GC: variants seen among roughly 807,000 people sequenced by gnomAD.
The protein encoded by GC is vitamin D-binding protein.
In GC, 43 loss-of-function variants were observed where a neutral mutation model predicts 56.7. That is an observed-to-expected ratio of 0.76 (90% CI 0.59 to 0.98). The LOEUF (loss-of-function observed/expected upper bound fraction) is 0.98. Among genes scored for constraint, GC ranks in the 50% least tolerant of loss-of-function variants. The probability of loss-of-function intolerance (pLI) is 0.00; values close to 1 mark genes in which losing one functional copy is unlikely to be tolerated. For synonymous variants in GC, 216 were observed against 202.7 expected, an observed-to-expected ratio of 1.07 and a Z score of -0.56; for missense variants, 529 against 545.9, an observed-to-expected ratio of 0.97 and a Z score of 0.31.
chr4:71,763,987 C>A, intron 4 of GC, 51 bp from the exon 5 acceptor site: 2 of 1,454,422 alleles, frequency 1.4e-6, no homozygotes, highest in East Asian at 2.3e-5. Context: ...TAAACAAAAT[C>A]TACTTTTTTA....
intron 1 of GC, among the ~76,000 whole-genome samples, chr4:71,800,767 T>G (rs1743228017): frequency 1.3e-5 from 2 of 152,218 alleles, no homozygotes; most frequent in Admixed American, 1.3e-4. Flanking sequence ...TTTTAATGAT[T>G]GCCATCCGAC....
chr4:71,752,930 C>T lies in GC; in HGVS notation c.1263-280G>A, dbSNP rs186521856. Among the ~76,000 whole-genome samples the T allele has an allele frequency of 1.8e-3, 281 of 152,164 alleles. 2 individuals carry two copies. The highest frequency in any genetic ancestry group is 6.3e-3 in the African/African-American group (260 of 41,520). On this transcript the variant is annotated intron_variant, in intron 10 of 12. Transcript: ENST00000273951. ...TCATTATTTCAAAATGGAAGAGTAC[C>T]TCTTCTATTTTATCCTAACCTTTCA...
intron 3 of GC, among the ~76,000 whole-genome samples, chr4:71,767,028 T>C (rs1291026745): frequency 6.6e-6 from 1 of 152,198 alleles, no homozygotes; most frequent in East Asian, 1.9e-4. Context: ...TGCTCTGTCA[T>C]GTTGATGATT....
chr4:71,763,021 C>G (rs1742035333), intron 6 of GC, among the ~76,000 whole-genome samples: 1 of 152,152 alleles, frequency 6.6e-6, no homozygotes, highest in South Asian at 2.1e-4. Context: ...ATTCAGATGT[C>G]TCATTCCAAG....
chr4:71,772,651 G>A (rs1232961138), intron 1 of GC, among the ~76,000 whole-genome samples: 1 of 152,126 alleles, frequency 6.6e-6, no homozygotes, highest in African/African-American at 2.4e-5. Flanking sequence ...AGAGAAAAGT[G>A]GGAAACTAGA....
chr4:71,777,963 A>G (rs1474868879), intron 1 of GC, among the ~76,000 whole-genome samples: 1 of 151,686 alleles, frequency 6.6e-6, no homozygotes, highest in Non-Finnish European at 1.5e-5. Context: ...GCAGCAAACC[A>G]CCATGGAACA....
rs1724916636 is a variant in GC at position 71,756,889 on chromosome 4, CAG to C, written c.855_856del (p.Cys286Ter). 1 of 1,613,018 alleles carries C rather than the reference CAG, an allele frequency of 6.2e-7. No individual in the cohort carries two copies. The highest frequency in any genetic ancestry group is 8.5e-7 in the Non-Finnish European group (1 of 1,179,052). ...AGAATTCTTTGTGGATAAATTGTCA[CAG>C]AGTTTTACTGTGTGTTCAGGCAGCT... On this transcript the variant is annotated frameshift_variant, in exon 8 of 13. Transcript: ENST00000273951. LOFTEE classifies it high-confidence loss of function.
chr4:71,756,436 T>C (rs939733878), intron 8 of GC, among the ~76,000 whole-genome samples: 3 of 152,240 alleles, frequency 2.0e-5, no homozygotes, highest in Non-Finnish European at 4.4e-5. Context: ...TCACTTCTTT[T>C]GGCCATGCAC....
In GC at chr4:71,769,377, CTT is replaced by C; in HGVS notation, c.80_81del (p.Lys27SerfsTer23). 1 of 1,612,902 alleles carries C rather than the reference CTT, an allele frequency of 6.2e-7. No homozygotes were observed. On this transcript the variant is annotated frameshift_variant, in exon 2 of 13. Coordinates refer to ENST00000273951, the MANE Select transcript of GC (RefSeq NM_000583.4). LOFTEE classifies it high-confidence loss of function. ...CCCAGATGGGAGAATTCCTTGCAGA[CTT>C]TATTCTTTTCATAATCCCGGCCTAG... ...LERGRDYEKNKVCKEFSHLGK... is the reference protein window; with the variant it reads ...LERGRDYEKNXVCKEFSHLGK...
At chr4:71,755,753 T>A (rs546482612) in intron 8 of GC, among the ~76,000 whole-genome samples, 1 of 152,254 alleles carries the variant, frequency 6.6e-6, no homozygotes, top group South Asian at 2.1e-4. Context: ...GTATAAAGCA[T>A]CAAGTGGATA....
At chr4:71,787,565 TG>T (rs1421759497), upstream of GC, among the ~76,000 whole-genome samples, 3 of 151,998 alleles carry the variant, frequency 2.0e-5, no homozygotes, top group African/African-American at 7.2e-5. Context: ...TTAGTCTAGC[TG>T]GGAAGACAGA....
intron 1 of GC, 114 bp from the exon 2 acceptor site, chr4:71,769,514 C>T: frequency 2.9e-6 from 2 of 698,274 alleles, no homozygotes; most frequent in Admixed American, 2.3e-5. Flanking sequence ...CGTATTTTCT[C>T]AATGTCTATA....
chr4:71,769,131 C>A (rs146078142), intron 2 of GC, among the ~76,000 whole-genome samples, 200 bp downstream of exon 2: 1 of 152,282 alleles, frequency 6.6e-6, no homozygotes, highest in East Asian at 1.9e-4. Context: ...AATTCTTAGA[C>A]TGTGGTAATC....
In GC at chr4:71,796,190, C is replaced by A. The variant is rs115946499; in HGVS notation, c.21+7736G>T. 4.0e-4 allele frequency among the ~76,000 whole-genome samples: 61 copies of A among 152,086 alleles called. 1 individual carries two copies. The highest frequency in any genetic ancestry group is 3.4e-3 in the Middle Eastern group (1 of 294). ...TCTTTGCAGTGTTTTCTGTATTTCC[C>A]GAATTTGAATGTTGGCCTGCCTTGC... On this transcript the variant is annotated intron_variant, in intron 1 of 13. Coordinates refer to the GC transcript ENST00000504199.
chr4:71,787,141 T>A (rs1314206464), upstream of GC, among the ~76,000 whole-genome samples: 1 of 151,922 alleles, frequency 6.6e-6, no homozygotes, highest in Non-Finnish European at 1.5e-5. Flanking sequence ...CTAACCTACC[T>A]TTAAATCATT....
At chr4:71,754,376 A>G (rs1344217137) in intron 10 of GC, 35 bp downstream of exon 10, 1 of 949,432 alleles carries the variant, frequency 1.1e-6, no homozygotes, top group East Asian at 2.4e-5. Flanking sequence ...TATTATTGAT[A>G]AATTTGGAGG....
At chr4:71,748,698 A>G (rs1442593729) in intron 11 of GC, among the ~76,000 whole-genome samples, 1 of 152,138 alleles carries the variant, frequency 6.6e-6, no homozygotes, top group Non-Finnish European at 1.5e-5. Context: ...GGTAAAGCCA[A>G]AAGAAAATGA....
chr4:71,768,156 G>T, intron 3 of GC, 145 bp downstream of exon 3: 1 of 594,530 alleles, frequency 1.7e-6, no homozygotes, highest in South Asian at 2.9e-5. Context: ...AATAAACCAG[G>T]CTGTAAACAC....
At chr4:71,757,045 T>A (rs1741801851) in intron 7 of GC, 131 bp from the exon 8 acceptor site, 1 of 633,378 alleles carries the variant, frequency 1.6e-6, no homozygotes, top group Non-Finnish European at 2.8e-6. Context: ...AGAAAGAAAA[T>A]TGGTACAATA....
Sources: gnomAD v4.1 joint callset for allele counts (sites outside exome capture counted in the v4.1 genomes callset) on GRCh38, gnomAD v4.1.1 for gene constraint, MANE v1.5 for transcripts, NCBI Gene and HGNC (gene_info 2026-07-23, HGNC 2026-07-21) for gene names.